The following TLE1 variants were observed in gnomAD, a reference collection of about 807,000 sequenced individuals.
TLE1 encodes transducin-like enhancer protein 1.
In TLE1, 21 loss-of-function variants were observed where a neutral mutation model predicts 89.8. The ratio of observed to expected loss-of-function variants is 0.23; its 90% confidence interval spans 0.17 to 0.34. The LOEUF (loss-of-function observed/expected upper bound fraction) is 0.34. Ranked by LOEUF, TLE1 falls within the 10% of genes least tolerant of loss-of-function variation. The pLI, the probability that TLE1 is intolerant of heterozygous loss-of-function variation, is 1.00. For synonymous variants in TLE1, 447 were observed against 407.6 expected (o/e 1.10, Z -1.16); for missense variants, 795 against 1,031.2 (o/e 0.77, Z 3.14).
intron 4 of TLE1, among the ~76,000 whole-genome samples, chr9:81,680,128 C>T (rs1005771862): frequency 3.9e-5 from 6 of 152,146 alleles, no homozygotes; most frequent in African/African-American, 7.2e-5. Flanking sequence ...TCCCACCATG[C>T]GAGGGAACAA....
At chr9:81,681,139 T>TA (rs1439657723) in intron 4 of TLE1, among the ~76,000 whole-genome samples, 1 of 152,110 alleles carries the variant, frequency 6.6e-6, no homozygotes, top group African/African-American at 2.4e-5. Flanking sequence ...TTACATGGCC[T>TA]GAGATGTTGC....
intron 6 of TLE1, among the ~76,000 whole-genome samples, chr9:81,635,217 C>T (rs1827220514): frequency 6.6e-6 from 1 of 152,150 alleles, no homozygotes; most frequent in Non-Finnish European, 1.5e-5. Flanking sequence ...TTATCCTTTC[C>T]TTCCTACCAA....
Position 81,637,388 on chromosome 9 carries a change from A to C in TLE1, c.373-3087T>G, listed in dbSNP as rs1240690683. Among the ~76,000 whole-genome samples, 6 of 152,320 alleles carry C rather than the reference A, an allele frequency of 3.9e-5. No homozygotes were observed. In the East Asian group the frequency reaches 1.2e-3, roughly 29 times the overall value. ...AGAAAAAAGATGAACTGGGTAGTAG[A>C]TTCTGATATCTTACTGTGAAGAGGT... On this transcript the variant is annotated intron_variant, in intron 6 of 19. Transcript: ENST00000376499.
intron 4 of TLE1, among the ~76,000 whole-genome samples, chr9:81,673,273 A>T (rs954535064): frequency 5.0e-4 from 3 of 5,950 alleles, no homozygotes; most frequent in African/African-American, 8.4e-4. Context: ...GACTTCATTT[A>T]AAAAAAAAAA....
intron 4 of TLE1, among the ~76,000 whole-genome samples, chr9:81,674,923 G>A (rs1832696542): frequency 6.6e-6 from 1 of 152,118 alleles, no homozygotes; most frequent in African/African-American, 2.4e-5. Flanking sequence ...GGGAGGCTGA[G>A]GTGGGAGGAT....
intron 9 of TLE1, among the ~76,000 whole-genome samples, chr9:81,617,559 G>A (rs189726903): frequency 4.6e-5 from 7 of 152,072 alleles, no homozygotes; most frequent in Admixed American, 2.0e-4. Flanking sequence ...AAAATTAGCC[G>A]GGCGTGGTGG....
chr9:81,647,136 G>A lies in TLE1; in HGVS notation c.372+5078C>T, dbSNP rs1380527539. On this transcript the variant is annotated intron_variant, in intron 6 of 19. Coordinates refer to ENST00000376499, the MANE Select transcript of TLE1 (RefSeq NM_005077.5). Reference sequence around the variant, plus strand: ...TATGGGTAACTGCTCAAATTTTCTTGCACCCAACTGTCAGCTCTGAGGCCA... The same window carrying A: ...TATGGGTAACTGCTCAAATTTTCTTACACCCAACTGTCAGCTCTGAGGCCA... Among the ~76,000 whole-genome samples the A allele has an allele frequency of 2.6e-5, 4 of 151,830 alleles. No homozygotes were observed. In the East Asian group the frequency reaches 5.8e-4, roughly 22 times the overall value.
chr9:81,647,871 A>G (rs184592575), intron 6 of TLE1, among the ~76,000 whole-genome samples: 2 of 152,312 alleles, frequency 1.3e-5, no homozygotes, highest in Non-Finnish European at 2.9e-5. Context: ...CATGAAATGG[A>G]CCAACAGGTG....
chr9:81,592,947 A>G (rs1829748556), intron 15 of TLE1, 78 bp downstream of exon 15: 6 of 1,538,918 alleles, frequency 3.9e-6, no homozygotes, highest in East Asian at 2.3e-5. Context: ...TGGGAATAAA[A>G]CCCAGGCCCA....
At chr9:81,687,879 T>C (rs1351493108) in intron 1 of TLE1, among the ~76,000 whole-genome samples, 1 of 151,388 alleles carries the variant, frequency 6.6e-6, no homozygotes, top group Non-Finnish European at 1.5e-5. Flanking sequence ...CGCATTGACA[T>C]GTAAATAGGC....
intron 4 of TLE1, among the ~76,000 whole-genome samples, chr9:81,673,141 T>C (rs4069934): frequency 0.86 from 130,399 of 151,688 alleles, 56,368 homozygotes; most frequent in African/African-American, 0.96. Flanking sequence ...GGCATGGTGG[T>C]GCACGCCTGT....
intron 4 of TLE1, among the ~76,000 whole-genome samples, chr9:81,656,074 G>C (rs1830120195): frequency 6.6e-6 from 1 of 152,138 alleles, no homozygotes; most frequent in Non-Finnish European, 1.5e-5. Flanking sequence ...TGTACTAGAA[G>C]GGGAAATGAC....
intron 14 of TLE1, among the ~76,000 whole-genome samples, chr9:81,593,518 G>T (rs918847692): frequency 1.3e-5 from 2 of 151,992 alleles, no homozygotes; most frequent in African/African-American, 4.8e-5. Context: ...ATTTTTTAAG[G>T]GTTTTAAATT....
chr9:81,632,795 A>G (rs933754238), intron 8 of TLE1, among the ~76,000 whole-genome samples: 17 of 152,210 alleles, frequency 1.1e-4, no homozygotes, highest in African/African-American at 3.4e-4. Context: ...TGTCTAAAAT[A>G]GATATAAGAT....
rs753850828 is a variant in TLE1 at position 81,611,811 on chromosome 9, T to C, written c.1212A>G (p.Ala404=). The part of the protein sequence containing the change: ...LHNMSPQMSA[A]AAAAAVVAYG... ...AGGCCACCACGGCGGCCGCGGCGGC[T>C]GCGGCGCTCATCTGGGGCGACATGT... Residue 404 remains alanine (A), a synonymous_variant, in exon 13 of 20, where the codon GCA becomes GCG. Transcript: ENST00000376499. 44 of 1,551,684 alleles carry C rather than the reference T, an allele frequency of 2.8e-5. No homozygotes were observed. The highest frequency in any genetic ancestry group is 1.7e-4 in the Middle Eastern group (1 of 5,812).
chr9:81,631,095 A>G lies in TLE1; in HGVS notation c.594+2253T>C, dbSNP rs1463178635. ...TTTGATATAAAAAAGATACATGTCC[A>G]AAACACATAAATCCACATTTGAACT... is the stretch of plus-strand genomic sequence containing the variant. On this transcript the variant is annotated intron_variant, in intron 8 of 19. Coordinates refer to ENST00000376499, the MANE Select transcript of TLE1 (RefSeq NM_005077.5). Among the ~76,000 whole-genome samples, 5 of 152,348 alleles carry G rather than the reference A, an allele frequency of 3.3e-5. No homozygotes were observed. In the South Asian group the frequency reaches 6.2e-4, roughly 19 times the overall value.
At chr9:81,592,624 G>C (rs2131838102) in intron 15 of TLE1, among the ~76,000 whole-genome samples, 1 of 152,244 alleles carries the variant, frequency 6.6e-6, no homozygotes, top group Non-Finnish European at 1.5e-5. Context: ...TTTATGCCAT[G>C]TTATCAAATA....
intron 6 of TLE1, among the ~76,000 whole-genome samples, chr9:81,651,810 T>C (rs1829576412): frequency 6.6e-6 from 1 of 152,034 alleles, no homozygotes; most frequent in South Asian, 2.1e-4. Context: ...GAACTACATT[T>C]ATTTTCCCAC....
chr9:81,663,622 CTTTTTT>C (rs35562910), intron 4 of TLE1, among the ~76,000 whole-genome samples: 2 of 134,704 alleles, frequency 1.5e-5, no homozygotes, highest in African/African-American at 2.8e-5. Flanking sequence ...ACAGAATAGA[CTTTTTT>C]TTTTTTTTTT....
Sources: allele counts gnomAD v4.1 joint callset (sites outside exome capture counted in the v4.1 genomes callset), GRCh38; gene constraint gnomAD v4.1.1; transcripts MANE v1.5; gene names NCBI Gene and HGNC (gene_info 2026-07-23, HGNC 2026-07-21).